The following WIPI1 variants were observed in gnomAD, a reference collection of about 807,000 sequenced individuals.
The protein encoded by WIPI1 is WD repeat domain, phosphoinositide interacting 1, also known as WD repeat domain phosphoinositide-interacting protein 1.
WIPI1 carries 45 observed loss-of-function variants against 55.3 expected under a neutral mutation model. The ratio of observed to expected loss-of-function variants is 0.81; its 90% CI spans 0.64 to 1.04. The LOEUF is 1.04. Ranked by LOEUF, WIPI1 falls within the 50% of genes least tolerant of loss-of-function variation. The pLI is 0.00. For synonymous variants in WIPI1, 195 were observed against 217.6 expected, an observed-to-expected ratio of 0.90 and a Z score of 0.92; for missense variants, 445 against 559.0, an observed-to-expected ratio of 0.80 and a Z score of 2.06.
chr17:68,433,011 G>A (rs574917451), intron 8 of WIPI1, among the ~76,000 whole-genome samples: 2 of 152,260 alleles, frequency 1.3e-5, no homozygotes, highest in South Asian at 4.1e-4. Context: ...CTGAGAAATT[G>A]CAGGTGCTTC....
Position 68,450,826 on chromosome 17 carries a change from T to C in WIPI1, c.235A>G (p.Lys79Glu), listed in dbSNP as rs554395919. 59 of 1,614,190 alleles carry C rather than the reference T, an allele frequency of 3.7e-5. No individual in the cohort carries two copies. Among genetic ancestry groups the C allele is most frequent in the Non-Finnish European group, 4.7e-5 (56 of 1,180,020 alleles). ...TGATACACGTTCATCTGCCGTGGTT[T>C]TGTGTGACTGACTACCACCACCAGG... ...SSLVVVVSHT[K>E]PRQMNVYHFK... is the part of the protein sequence containing the mutation. Residue 79 changes from lysine (K) to glutamate (E), a missense_variant, in exon 3 of 13, where the codon AAA becomes GAA. Coordinates refer to ENST00000262139, the MANE Select transcript of WIPI1 (RefSeq NM_017983.7).
At position 68,430,534 on chromosome 17, in the gene WIPI1, G is replaced by A. The variant is rs1050997598; in HGVS notation, c.801-374C>T. ...CATTAAATAAGCTTGGGACTGTGCCGGGCTCATGGAAGAACAGACAGATCT... is the reference window on the plus strand; with the variant it reads ...CATTAAATAAGCTTGGGACTGTGCCAGGCTCATGGAAGAACAGACAGATCT... On this transcript the variant is annotated intron_variant, in intron 8 of 12. Coordinates refer to ENST00000262139, the MANE Select transcript of WIPI1 (RefSeq NM_017983.7). Among the ~76,000 whole-genome samples, 7 of 152,238 alleles carry A rather than the reference G, an allele frequency of 4.6e-5. 1 individual carries two copies. In the East Asian group the frequency reaches 7.7e-4, roughly 17 times the overall value.
chr17:68,426,247 A>AGGGGGGGGGGGGGGGGGGGG, intron 11 of WIPI1, 72 bp from the exon 12 acceptor site: 1 of 655,804 alleles, frequency 1.5e-6, no homozygotes, highest in Non-Finnish European at 2.3e-6. Context: ...GCGGGTGGGG[A>AGGGGGGGGGGGGGGGGGGGG]GCGGGGGCTC....
rs1555798458 is a variant in WIPI1 at position 68,426,244 on chromosome 17, G to GA, written c.1193-70_1193-69insT. 18 of 985,622 alleles carry GA rather than the reference G, an allele frequency of 1.8e-5. 1 individual carries two copies. The Admixed American group carries it at 1.9e-4, about 11-fold the overall frequency. The allele number at this position is 985,622 out of a possible 1,614,324, so 61.1% of individuals were successfully genotyped here. ...CTTTTATGCCATGACCTGGCGGGTG[G>GA]GGAGCGGGGGCTCAAATAAAGGGCA... On this transcript the variant is annotated intron_variant, in intron 11 of 12. Coordinates refer to ENST00000262139, the MANE Select transcript of WIPI1 (RefSeq NM_017983.7).
intron 11 of WIPI1, 78 bp from the exon 12 acceptor site, chr17:68,426,253 G>GGGGGGGGGGGA: frequency 1.2e-6 from 1 of 841,018 alleles, no homozygotes. Context: ...GGGGAGCGGG[G>GGGGGGGGGGGA]GCTCAAATAA....
intron 4 of WIPI1, 97 bp from the exon 5 acceptor site, chr17:68,436,576 C>T (rs2083799693): frequency 1.8e-6 from 2 of 1,105,728 alleles, no homozygotes; most frequent in Non-Finnish European, 2.7e-6. Context: ...ACAGTGCCAC[C>T]TACTGGCAAG....
At chr17:68,422,947 G>A (rs1015964918) in intron 12 of WIPI1, among the ~76,000 whole-genome samples, 4 of 152,084 alleles carry the variant, frequency 2.6e-5, no homozygotes, top group African/African-American at 9.7e-5. Flanking sequence ...TGCTCTCAGA[G>A]CAAAAGTAAA....
chr17:68,437,947 TTAAAAA>T (rs1340905867), intron 4 of WIPI1, among the ~76,000 whole-genome samples: 3 of 58,810 alleles, frequency 5.1e-5, no homozygotes, highest in South Asian at 1.3e-3. Context: ...GACATCTCTC[TTAAAAA>T]AAAAAAAAAA....
intron 1 of WIPI1, among the ~76,000 whole-genome samples, chr17:68,456,379 C>CAGAAACTGGTACAGCAGGAAGTG (rs1663715696): frequency 6.6e-6 from 1 of 152,180 alleles, no homozygotes; most frequent in African/African-American, 2.4e-5. Flanking sequence ...AGCCAAGGCA[C>CAGAAACTGGTACAGCAGGAAGTG]AGAAACTGGT....
In WIPI1 at chr17:68,428,946, A is replaced by G. The variant is rs942847786; in HGVS notation, c.966-10T>C. 1 of 1,606,530 alleles carries G rather than the reference A, an allele frequency of 6.2e-7. No individual in the cohort carries two copies. The highest frequency in any genetic ancestry group is 1.3e-5 in the African/African-American group (1 of 74,788). On this transcript the variant is annotated splice_polypyrimidine_tract_variant and intron_variant, in intron 9 of 12. Transcript: ENST00000262139. Reference sequence around the variant, plus strand: ...TGGCAACTTCTGGATCCTAAGGGCCAAGGAAAACATAAACCGTGATGACAA... The same window carrying G: ...TGGCAACTTCTGGATCCTAAGGGCCGAGGAAAACATAAACCGTGATGACAA...
chr17:68,424,524 G>C (rs765045345), intron 12 of WIPI1: 49 of 533,658 alleles, frequency 9.2e-5, no homozygotes, highest in Middle Eastern at 6.3e-4. Flanking sequence ...CATTGTTTCA[G>C]TGCCCAAGTG....
chr17:68,434,693 G>A, intron 6 of WIPI1, 67 bp from the exon 7 acceptor site: 1 of 1,542,156 alleles, frequency 6.5e-7, no homozygotes, highest in Non-Finnish European at 8.9e-7. Context: ...TCCCTTTAGA[G>A]AGGAGTTTGT....
intron 2 of WIPI1, among the ~76,000 whole-genome samples, chr17:68,451,623 G>A (rs1169164557): frequency 1.3e-5 from 2 of 152,158 alleles, no homozygotes; most frequent in Non-Finnish European, 2.9e-5. Flanking sequence ...TCAAAGGCGT[G>A]ACTTCTCAGT....
intron 3 of WIPI1, chr17:68,448,285 AC>A (rs1400282947): frequency 2.0e-5 from 3 of 152,164 alleles, no homozygotes; most frequent in Non-Finnish European, 4.4e-5. Context: ...AGAAAAGCAA[AC>A]CCCCAATACT....
chr17:68,436,528 T>C (rs1339096667), intron 4 of WIPI1, 49 bp from the exon 5 acceptor site: 6 of 1,569,432 alleles, frequency 3.8e-6, no homozygotes, highest in Non-Finnish European at 5.3e-6. Flanking sequence ...AAGGGAGAGA[T>C]TGCACGGCTG....
chr17:68,433,344 G>T, intron 8 of WIPI1, 124 bp downstream of exon 8: 2 of 929,330 alleles, frequency 2.2e-6, no homozygotes, highest in Non-Finnish European at 3.3e-6. Context: ...CATCACTTAG[G>T]TGAAGTCCCA....
At chr17:68,457,192 A>C in intron 1 of WIPI1, 150 bp downstream of exon 1, 3 of 883,340 alleles carry the variant, frequency 3.4e-6, no homozygotes, top group Non-Finnish European at 1.7e-6. Context: ...GGGTACGGGG[A>C]TAACAAGATC....
At chr17:68,451,113 C>A (rs991655169) in intron 2 of WIPI1, among the ~76,000 whole-genome samples, 1 of 152,234 alleles carries the variant, frequency 6.6e-6, no homozygotes, top group Non-Finnish European at 1.5e-5. Context: ...CTTTCAGAGT[C>A]CTTTCCAAAT....
rs1006235616 is a variant in WIPI1, at chr17:68,430,172, T to C, written c.801-12A>G. The C allele has an allele frequency of 6.2e-7, 1 of 1,608,028 alleles. No homozygotes were observed. Among genetic ancestry groups the C allele is most frequent in the Non-Finnish European group, 8.5e-7 (1 of 1,177,362 alleles). On this transcript the variant is annotated splice_polypyrimidine_tract_variant and intron_variant, in intron 8 of 12. Transcript: ENST00000262139. ...GCTCTTCTGGTCGACTAGGGAGTAA[T>C]GCACAGGCAACGATGGGACTGGGCT...
Sources: gnomAD v4.1 joint callset for allele counts (sites outside exome capture counted in the v4.1 genomes callset) on GRCh38, gnomAD v4.1.1 for gene constraint, MANE v1.5 for transcripts, NCBI Gene and HGNC (gene_info 2026-07-23, HGNC 2026-07-21) for gene names.